TACC2: variants seen among roughly 807,000 people sequenced by gnomAD.
The protein encoded by TACC2 is transforming acidic coiled-coil-containing protein 2.
A neutral mutation model predicts 227.3 loss-of-function variants in TACC2; 137 were observed. The ratio of observed to expected loss-of-function variants is 0.60; its 90% CI spans 0.52 to 0.69. The LOEUF (loss-of-function observed/expected upper bound fraction) is 0.69, where lower values mean the gene tolerates loss of function less well. Among genes scored for constraint, TACC2 ranks in the 30% least tolerant of loss-of-function variants. The pLI, the probability that TACC2 is intolerant of heterozygous loss-of-function variation, is 0.00. For synonymous variants in TACC2, 1,523 were observed against 1,487.5 expected (o/e 1.02, Z -0.55); for missense variants, 3,470 against 3,694.4 (o/e 0.94, Z 1.57).
At chr10:122,033,320 C>A (rs186633197) in intron 2 of TACC2, among the ~76,000 whole-genome samples, 1 of 152,184 alleles carries the variant, frequency 6.6e-6, no homozygotes, top group Admixed American at 6.5e-5. Flanking sequence ...AAAACACAGT[C>A]GAAATCGACA....
At chr10:122,052,696 A>AAAG (rs758596439) in intron 3 of TACC2, 12 of 149,240 alleles carry the variant, frequency 8.0e-5, no homozygotes, top group Non-Finnish European at 1.5e-4. Context: ...AAAAAAAAAA[A>AAAG]AACAAACAGG....
intron 3 of TACC2, chr10:122,052,018 A>G (rs1200817031): frequency 6.6e-6 from 1 of 152,156 alleles, no homozygotes; most frequent in Admixed American, 6.5e-5. Flanking sequence ...TCTCTGCTAA[A>G]GATGGTGCTT....
chr10:121,993,029 T>G (rs1203428051), intron 1 of TACC2, among the ~76,000 whole-genome samples: 1 of 151,380 alleles, frequency 6.6e-6, no homozygotes, highest in African/African-American at 2.4e-5. Flanking sequence ...CATTCAAAAC[T>G]CTCTGGGAAG....
intron 2 of TACC2, among the ~76,000 whole-genome samples, chr10:122,031,799 G>A (rs976390908): frequency 2.0e-5 from 3 of 151,958 alleles, no homozygotes; most frequent in Middle Eastern, 3.4e-3. Context: ...CCGCCTCCCA[G>A]GTTCAGGTGA....
chr10:122,081,985 CTGG>C (rs2079563735), intron 3 of TACC2, among the ~76,000 whole-genome samples: 1 of 152,178 alleles, frequency 6.6e-6, no homozygotes. Context: ...CTTCACAGGA[CTGG>C]TTCAAATCCC....
intron 2 of TACC2, among the ~76,000 whole-genome samples, chr10:122,027,665 A>G (rs1032058208): frequency 1.3e-5 from 2 of 151,932 alleles, no homozygotes; most frequent in Admixed American, 1.3e-4. Context: ...CTTTTCTAAA[A>G]TTGTTTTTGC....
At chr10:122,222,131 A>T (rs1488424104) in intron 11 of TACC2, among the ~76,000 whole-genome samples, 1 of 152,230 alleles carries the variant, frequency 6.6e-6, no homozygotes, top group African/African-American at 2.4e-5. Flanking sequence ...GTGTGGTGAC[A>T]TCACCCTTCC....
intron 7 of TACC2, among the ~76,000 whole-genome samples, chr10:122,184,551 G>A (rs965791905): frequency 6.6e-6 from 1 of 152,202 alleles, no homozygotes; most frequent in African/African-American, 2.4e-5. Context: ...CCCCAGCAGT[G>A]TGGCTGAGCT....
chr10:122,047,219 G>A (rs1328920804), intron 2 of TACC2, among the ~76,000 whole-genome samples: 1 of 126,538 alleles, frequency 7.9e-6, no homozygotes, highest in Non-Finnish European at 1.6e-5. Flanking sequence ...AATCCGGGAA[G>A]CACAGGTTGC....
chr10:122,207,295 T>TA (rs1565617660), intron 8 of TACC2, among the ~76,000 whole-genome samples: 246 of 140,384 alleles, frequency 1.8e-3, no homozygotes, highest in African/African-American at 3.3e-3. Context: ...TGGGACTATT[T>TA]CAAAAAAAAA....
intron 3 of TACC2, among the ~76,000 whole-genome samples, chr10:122,071,176 A>C (rs1220010458): frequency 6.6e-6 from 1 of 152,238 alleles, no homozygotes; most frequent in Non-Finnish European, 1.5e-5. Flanking sequence ...TGTGATTAAA[A>C]ACAGGTATTT....
chr10:122,045,687 T>C (rs569703109), intron 2 of TACC2, among the ~76,000 whole-genome samples: 1 of 152,316 alleles, frequency 6.6e-6, no homozygotes, highest in East Asian at 1.9e-4. Flanking sequence ...CTGTTTCTTA[T>C]CTGGAAAATG....
At chr10:122,164,028 GGGA>G in intron 7 of TACC2, 4 of 1,558,506 alleles carry the variant, frequency 2.6e-6, no homozygotes, top group Middle Eastern at 1.7e-4. Context: ...GAGTCTCCCG[GGGA>G]GGAGGAGAGG....
At chr10:122,161,574 T>G (rs558977416) in intron 7 of TACC2, among the ~76,000 whole-genome samples, 59 of 152,388 alleles carry the variant, frequency 3.9e-4, no homozygotes, top group Non-Finnish European at 7.1e-4. Flanking sequence ...GAGGGAGAAG[T>G]CAGGATTTGA....
intron 3 of TACC2, among the ~76,000 whole-genome samples, chr10:122,057,469 C>G (rs1005001317): frequency 6.6e-6 from 1 of 152,034 alleles, no homozygotes; most frequent in African/African-American, 2.4e-5. Flanking sequence ...TCCAGCTGAA[C>G]AGACTCCCTC....
Position 122,167,018 on chromosome 10 carries a change from G to C in TACC2, c.5834+23312G>C, listed in dbSNP as rs151070925. Among the ~76,000 whole-genome samples, 570 of 152,314 alleles carry C rather than the reference G, an allele frequency of 3.7e-3. 5 individuals carry two copies. The highest frequency in any genetic ancestry group is 0.013 in the African/African-American group (532 of 41,562). ...ATGTGGTGTGGCTTCTGCTAAGTGG[G>C]GCAGCATTAAGTACTTTGTCCTTTA... On this transcript the variant is annotated intron_variant, in intron 7 of 22. Transcript: ENST00000369005.
rs771859124 is a variant in TACC2, at chr10:122,211,127, G to A, written c.6702G>A (p.Leu2234=). The change falls in exon 9 of 23, where the codon CTG becomes CTA. Residue 2234 remains leucine (L), a synonymous_variant. Transcript: ENST00000369005. The part of the protein sequence containing the change: ...QNSPPVGRKT[L]PLTTAPEAGE... ...CACCCCCTGTCGGGAGGAAAACGCT[G>A]CCTCTTACCACGGCCCCGGAGGCAG... 3.7e-6 allele frequency: 6 copies of A among 1,609,354 alleles called. No individual in the cohort carries two copies. Among genetic ancestry groups the A allele is most frequent in the Non-Finnish European group, 5.1e-6 (6 of 1,178,234 alleles).
chr10:122,068,294 C>T lies in TACC2; in HGVS notation c.147-14353C>T, dbSNP rs149122792. 5.3e-5 allele frequency among the ~76,000 whole-genome samples: 8 copies of T among 152,178 alleles called. No individual in the cohort carries two copies. In the East Asian group the frequency reaches 1.5e-3, roughly 29 times the overall value. On this transcript the variant is annotated intron_variant, in intron 3 of 22. Coordinates refer to ENST00000369005, the MANE Select transcript of TACC2 (RefSeq NM_206862.4). ...AGTCTTTTTATAGTAATTCTATTAT[C>T]TGTGTAATTTCTTGGTTCAAGACAA...
At chr10:121,991,077 C>T (rs563242651) in intron 1 of TACC2, among the ~76,000 whole-genome samples, 7 of 152,284 alleles carry the variant, frequency 4.6e-5, no homozygotes, top group South Asian at 4.1e-4. Flanking sequence ...TGAGCCACTA[C>T]GCCTCATCTG....
Sources: gnomAD v4.1 joint callset for allele counts (sites outside exome capture counted in the v4.1 genomes callset) on GRCh38, gnomAD v4.1.1 for gene constraint, MANE v1.5 for transcripts, NCBI Gene and HGNC (gene_info 2026-07-23, HGNC 2026-07-21) for gene names.